Variants in LUZP2 observed in about 807,000 individuals in gnomAD.
The protein encoded by LUZP2 is leucine zipper protein 2.
LUZP2 carries 52 observed loss-of-function variants against 51.6 expected under a neutral mutation model. The ratio of observed to expected loss-of-function variants is 1.01; its 90% CI spans 0.81 to 1.27. LUZP2 has a LOEUF of 1.27. Among genes scored for constraint, LUZP2 ranks in the 50% most tolerant of loss-of-function variants. LUZP2 has a pLI of 0.00. For synonymous variants in LUZP2, 154 were observed against 137.3 expected (o/e 1.12, Z -0.85); for missense variants, 436 against 395.4 (o/e 1.10, Z -0.87).
chr11:24,850,088 A>G (rs776042891), intron 5 of LUZP2, among the ~76,000 whole-genome samples: 1 of 152,078 alleles, frequency 6.6e-6, no homozygotes, highest in Non-Finnish European at 1.5e-5. Context: ...GTTCACTTCG[A>G]TGATAGTTTC....
chr11:24,939,762 AT>A (rs1854691935), intron 7 of LUZP2, among the ~76,000 whole-genome samples: 1 of 152,198 alleles, frequency 6.6e-6, no homozygotes, highest in South Asian at 2.1e-4. Flanking sequence ...ATGAGAGTCA[AT>A]GATGGTGATA....
chr11:24,666,936 C>T (rs1202201583), intron 1 of LUZP2, among the ~76,000 whole-genome samples: 1 of 152,116 alleles, frequency 6.6e-6, no homozygotes, highest in African/African-American at 2.4e-5. Flanking sequence ...TTATTTTTCT[C>T]GTCTCTCTCC....
At chr11:25,034,658 T>C (rs11028369) in intron 9 of LUZP2, among the ~76,000 whole-genome samples, 73,029 of 151,978 alleles carry the variant, frequency 0.48, 17,862 homozygotes, top group Non-Finnish European at 0.51. Flanking sequence ...GTTATCCCAG[T>C]TCCATTTATT....
rs111906656 is a variant in LUZP2, at chr11:24,712,966, A to G, written c.63-16203A>G. 4.5e-3 allele frequency among the ~76,000 whole-genome samples: 685 copies of G among 152,310 alleles called. 5 individuals carry two copies. The highest frequency in any genetic ancestry group is 0.016 in the African/African-American group (657 of 41,576). ...TTGTCAAAAGTCCTCTAATGCCACA[A>G]TCTTTGACTACGTATGTGAGAGACC... On this transcript the variant is annotated intron_variant, in intron 1 of 11. Coordinates refer to ENST00000336930, the MANE Select transcript of LUZP2 (RefSeq NM_001009909.4).
intron 1 of LUZP2, among the ~76,000 whole-genome samples, chr11:24,659,049 A>G (rs564887926): frequency 9.2e-5 from 14 of 152,300 alleles, no homozygotes; most frequent in African/African-American, 2.9e-4. Flanking sequence ...AATACCATTT[A>G]ACCCAGCCAT....
At chr11:24,783,222 G>A (rs1590518039) in intron 5 of LUZP2, among the ~76,000 whole-genome samples, 1 of 151,952 alleles carries the variant, frequency 6.6e-6, no homozygotes, top group African/African-American at 2.4e-5. Context: ...TCTTTATAAA[G>A]CATTTTGTTA....
chr11:24,664,028 G>T (rs1856120998), intron 1 of LUZP2, among the ~76,000 whole-genome samples: 1 of 152,110 alleles, frequency 6.6e-6, no homozygotes, highest in African/African-American at 2.4e-5. Flanking sequence ...CAGTAAATTG[G>T]TACCAGGTAG....
chr11:24,565,032 A>T (rs1852169515), intron 1 of LUZP2, among the ~76,000 whole-genome samples: 1 of 152,208 alleles, frequency 6.6e-6, no homozygotes. Context: ...GGGACATCGT[A>T]TCCACAAAAT....
chr11:24,884,569 T>G lies in LUZP2; in HGVS notation c.397-21422T>G, dbSNP rs1276848337. Among the ~76,000 whole-genome samples, 4 of 152,184 alleles carry G rather than the reference T, an allele frequency of 2.6e-5. No individual in the cohort carries two copies. In the South Asian group the frequency reaches 8.3e-4, roughly 32 times the overall value. ...TTACATAACACATCTTATGGTCTTA[T>G]ATGGCTGGCCTCAATGCACCTTTTG... is the stretch of plus-strand genomic sequence containing the variant. On this transcript the variant is annotated intron_variant, in intron 5 of 11. Coordinates refer to ENST00000336930, the MANE Select transcript of LUZP2 (RefSeq NM_001009909.4).
At chr11:24,772,886 T>C (rs952063873) in intron 5 of LUZP2, among the ~76,000 whole-genome samples, 9 of 152,208 alleles carry the variant, frequency 5.9e-5, no homozygotes, top group Admixed American at 4.6e-4. Flanking sequence ...TCTCCTCTTC[T>C]TATAACGACA....
intron 5 of LUZP2, among the ~76,000 whole-genome samples, chr11:24,768,926 G>A (rs554136052): frequency 3.9e-5 from 6 of 152,206 alleles, no homozygotes; most frequent in Non-Finnish European, 8.8e-5. Context: ...AAATCAATAT[G>A]TTGAAGAGAT....
chr11:24,571,816 G>A (rs1852452101), intron 1 of LUZP2, among the ~76,000 whole-genome samples: 1 of 151,892 alleles, frequency 6.6e-6, no homozygotes, highest in African/African-American at 2.4e-5. Flanking sequence ...GTTTAGGTTG[G>A]CTTTATCCAC....
chr11:24,574,265 T>C (rs1439220683), intron 1 of LUZP2, among the ~76,000 whole-genome samples: 5 of 13,320 alleles, frequency 3.8e-4, no homozygotes, highest in African/African-American at 5.8e-4. Context: ...TCTTTCTTGC[T>C]TTCTTTCTTT....
rs192540089 is a variant in LUZP2, at chr11:24,641,993, G to A, written c.63-87176G>A. ...ACTGTAACCTCCGCCTCCCTCAAGC[G>A]ATTCTCCTGCCTCAGCTTCCTGAGT... On this transcript the variant is annotated intron_variant, in intron 1 of 11. Coordinates refer to ENST00000336930, the MANE Select transcript of LUZP2 (RefSeq NM_001009909.4). Among the ~76,000 whole-genome samples, 164 of 151,854 alleles carry A rather than the reference G, an allele frequency of 1.1e-3. 1 individual carries two copies. Among genetic ancestry groups the A allele is most frequent in the Middle Eastern group, 3.4e-3 (1 of 294 alleles).
rs1379292827 is a variant in LUZP2 at position 24,800,552 on chromosome 11, A to AT, written c.396+37244_396+37245insT. On this transcript the variant is annotated intron_variant, in intron 5 of 11. Transcript: ENST00000336930. ...CTATCATTTAACTCAAAAAAAAAAA[A>AT]ATACAAAAAAACAAAAAAACCCAAA... is the stretch of plus-strand genomic sequence containing the variant. Among the ~76,000 whole-genome samples, 4 of 148,068 alleles carry AT rather than the reference A, an allele frequency of 2.7e-5. No homozygotes were observed. In the East Asian group the frequency reaches 9.8e-4, roughly 36 times the overall value.
At chr11:24,639,886 C>T (rs1855224541) in intron 1 of LUZP2, among the ~76,000 whole-genome samples, 2 of 151,420 alleles carry the variant, frequency 1.3e-5, no homozygotes, top group Admixed American at 6.6e-5. Context: ...CCCTGTGTGT[C>T]CTTTCTTTTA....
At chr11:24,951,798 G>A (rs898646051) in intron 7 of LUZP2, among the ~76,000 whole-genome samples, 1 of 151,516 alleles carries the variant, frequency 6.6e-6, no homozygotes, top group Non-Finnish European at 1.5e-5. Flanking sequence ...GTATGTCAAA[G>A]TTGAAAACCC....
intron 1 of LUZP2, among the ~76,000 whole-genome samples, chr11:24,668,381 T>C (rs1856286564): frequency 6.6e-6 from 1 of 152,340 alleles, no homozygotes; most frequent in South Asian, 2.1e-4. Flanking sequence ...TACATGTTTC[T>C]TCATGTATGA....
At chr11:24,517,843 A>G (rs1279270680) in intron 1 of LUZP2, among the ~76,000 whole-genome samples, 1 of 152,130 alleles carries the variant, frequency 6.6e-6, no homozygotes, top group Non-Finnish European at 1.5e-5. Context: ...TCTCATGTTT[A>G]TGGTGTATAA....
Sources: allele counts gnomAD v4.1 joint callset (sites outside exome capture counted in the v4.1 genomes callset), GRCh38; gene constraint gnomAD v4.1.1; transcripts MANE v1.5; gene names NCBI Gene and HGNC (gene_info 2026-07-23, HGNC 2026-07-21).